The following SP100 variants were observed in gnomAD, a reference collection of about 807,000 sequenced individuals.
SP100 encodes SP100 nuclear body protein, also known as nuclear autoantigen Sp-100.
In SP100, 84 loss-of-function variants were observed where a neutral mutation model predicts 130.0. That is an observed-to-expected ratio of 0.65 (90% CI 0.54 to 0.77). SP100 has a LOEUF of 0.77. SP100 is among the 30% of genes least tolerant of loss of function. The pLI is 0.00. For missense variants in SP100, 978 were observed against 1,052.2 expected (o/e 0.93, Z 0.97); for synonymous variants, 331 against 351.7 (o/e 0.94, Z 0.66).
intron 14 of SP100, 119 bp downstream of exon 14, chr2:230,469,215 T>C: frequency 1.5e-6 from 1 of 682,274 alleles, no homozygotes; most frequent in Non-Finnish European, 2.5e-6. Context: ...TTTTAGATGA[T>C]TTGCATTTTA....
chr2:230,478,817 A>C (rs1427631367), intron 17 of SP100, among the ~76,000 whole-genome samples: 1 of 152,116 alleles, frequency 6.6e-6, no homozygotes, highest in Non-Finnish European at 1.5e-5. Context: ...AATAGGATGC[A>C]TAAAGATTTT....
At chr2:230,516,401 T>G (rs1690917751) in intron 24 of SP100, 2 of 152,262 alleles carry the variant, frequency 1.3e-5, no homozygotes, top group Non-Finnish European at 2.9e-5. Context: ...CTACTTTACC[T>G]AAGGGCTGTC....
intron 24 of SP100, among the ~76,000 whole-genome samples, chr2:230,524,609 T>A (rs1464999286): frequency 1.3e-5 from 2 of 152,164 alleles, no homozygotes; most frequent in Non-Finnish European, 2.9e-5. Flanking sequence ...TATAAACTAC[T>A]AAAAATAAAT....
intron 22 of SP100, 65 bp downstream of exon 22, chr2:230,506,510 T>C (rs998138399): frequency 6.5e-7 from 1 of 1,548,444 alleles, no homozygotes; most frequent in African/African-American, 1.4e-5. Context: ...CACCAAGCTT[T>C]AGCAGAATTT....
intron 25 of SP100, 91 bp downstream of exon 25, chr2:230,539,473 C>A: frequency 1.2e-6 from 1 of 834,348 alleles, no homozygotes; most frequent in Non-Finnish European, 2.0e-6. Context: ...GTTTCTGTAC[C>A]TGGTTATGTG....
intron 17 of SP100, among the ~76,000 whole-genome samples, chr2:230,476,773 G>A (rs1026759910): frequency 8.5e-5 from 13 of 152,140 alleles, no homozygotes; most frequent in South Asian, 2.1e-4. Flanking sequence ...TTTTAGTGTC[G>A]TCAGGAATTT....
chr2:230,519,110 C>A (rs547252413), intron 24 of SP100, among the ~76,000 whole-genome samples: 116 of 152,288 alleles, frequency 7.6e-4, no homozygotes, highest in African/African-American at 2.7e-3. Context: ...GAGTGTAAAA[C>A]ATTTATATCT....
Position 230,441,375 on chromosome 2 carries a change from A to T in SP100, c.108-1562A>T, listed in dbSNP as rs115402547. 3.1e-3 allele frequency among the ~76,000 whole-genome samples: 478 copies of T among 152,354 alleles called. 2 individuals are homozygous for T. Among genetic ancestry groups the T allele is most frequent in the African/African-American group, 0.011 (458 of 41,584 alleles). On this transcript the variant is annotated intron_variant, in intron 2 of 28. Coordinates refer to ENST00000340126, the MANE Select transcript of SP100 (RefSeq NM_001080391.2). ...TAAATGTACTCTTACACAATGACCA[A>T]GCAATTCCACTGCTACATATTTATG...
intron 8 of SP100, among the ~76,000 whole-genome samples, chr2:230,453,172 G>A (rs2064102084): frequency 6.6e-6 from 1 of 152,186 alleles, no homozygotes; most frequent in African/African-American, 2.4e-5. Flanking sequence ...GCAGCAAGGA[G>A]AAGTACAGTG....
chr2:230,540,233 G>T (rs566505148), intron 25 of SP100, among the ~76,000 whole-genome samples: 2 of 152,132 alleles, frequency 1.3e-5, no homozygotes, highest in African/African-American at 4.8e-5. Flanking sequence ...ATGGCCAAGG[G>T]GATGCTGGCA....
At chr2:230,490,457 C>T (rs2066336637) in intron 17 of SP100, among the ~76,000 whole-genome samples, 2 of 151,936 alleles carry the variant, frequency 1.3e-5, no homozygotes, top group African/African-American at 4.8e-5. Context: ...GTTTGCCAGT[C>T]TGTCTTTTAA....
intron 24 of SP100, among the ~76,000 whole-genome samples, chr2:230,525,918 G>C (rs2150102194): frequency 6.6e-6 from 1 of 152,346 alleles, no homozygotes; most frequent in Non-Finnish European, 1.5e-5. Flanking sequence ...GAACTGGGCG[G>C]AGCCCACCAC....
At chr2:230,422,175 T>A (rs1051546794) in intron 2 of SP100, among the ~76,000 whole-genome samples, 1 of 152,214 alleles carries the variant, frequency 6.6e-6, no homozygotes, top group African/African-American at 2.4e-5. Flanking sequence ...TTCTCTTTTA[T>A]AGCATCTTGT....
chr2:230,465,763 TA>T (rs2064911956), intron 11 of SP100, among the ~76,000 whole-genome samples: 1 of 151,952 alleles, frequency 6.6e-6, no homozygotes, highest in South Asian at 2.1e-4. Context: ...AAAAATTAAT[TA>T]AAAAGAGGCA....
intron 11 of SP100, among the ~76,000 whole-genome samples, chr2:230,465,450 T>A (rs573857410): frequency 1.3e-4 from 20 of 152,204 alleles, no homozygotes; most frequent in Non-Finnish European, 2.6e-4. Flanking sequence ...AGAACGTAAA[T>A]GGAGCTGGAG....
At chr2:230,528,030 G>A (rs1044251328) in intron 24 of SP100, among the ~76,000 whole-genome samples, 4 of 152,056 alleles carry the variant, frequency 2.6e-5, no homozygotes, top group African/African-American at 9.7e-5. Context: ...TGAGACAGAA[G>A]GTTAACAAGG....
chr2:230,506,151 T>C (rs1342721410), intron 21 of SP100, 152 bp from the exon 22 acceptor site: 8 of 683,250 alleles, frequency 1.2e-5, no homozygotes, highest in Admixed American at 2.5e-5. Flanking sequence ...TCCTTCAGGC[T>C]GGGTATGAAG....
chr2:230,510,326 G>A (rs1420900777), intron 23 of SP100: 2 of 152,626 alleles, frequency 1.3e-5, no homozygotes, highest in South Asian at 2.1e-4. Flanking sequence ...CTTCAAAGAT[G>A]TGTTCCTGGA....
At chr2:230,487,275 G>A (rs1403941837) in intron 17 of SP100, among the ~76,000 whole-genome samples, 1 of 152,162 alleles carries the variant, frequency 6.6e-6, no homozygotes, top group Non-Finnish European at 1.5e-5. Flanking sequence ...TTTTGCCTAT[G>A]TTTTCTTCCA....
Sources: gnomAD v4.1 joint callset for allele counts (sites outside exome capture counted in the v4.1 genomes callset) on GRCh38, gnomAD v4.1.1 for gene constraint, MANE v1.5 for transcripts, NCBI Gene and HGNC (gene_info 2026-07-23, HGNC 2026-07-21) for gene names.